The following PBX4 variants were observed in gnomAD, a reference collection of about 807,000 sequenced individuals.
PBX4 encodes pre-B-cell leukemia transcription factor 4.
PBX4 carries 26 observed loss-of-function variants against 35.1 expected under a neutral mutation model. The observed-to-expected ratio is 0.74, with a 90% CI of 0.54 to 1.03. The LOEUF (loss-of-function observed/expected upper bound fraction) is 1.03. Ranked by LOEUF, PBX4 falls within the 50% of genes least tolerant of loss-of-function variation. The probability of loss-of-function intolerance (pLI) is 0.00; values close to 1 mark genes in which losing one functional copy is unlikely to be tolerated. For synonymous variants in PBX4, 199 were observed against 204.2 expected (o/e 0.97, Z 0.22); for missense variants, 448 against 504.3 (o/e 0.89, Z 1.07).
intron 2 of PBX4, among the ~76,000 whole-genome samples, chr19:19,583,581 A>G (rs1254899501): frequency 1.3e-5 from 2 of 152,116 alleles, no homozygotes; most frequent in Non-Finnish European, 2.9e-5. Flanking sequence ...ACTGCACTCC[A>G]GCCAGTTCGA....
intron 1 of PBX4, among the ~76,000 whole-genome samples, chr19:19,614,849 T>C (rs982208278): frequency 6.6e-6 from 1 of 151,696 alleles, no homozygotes; most frequent in African/African-American, 2.4e-5. Context: ...CTGGCCAACA[T>C]AGGGAGACCT....
intron 2 of PBX4, chr19:19,588,313 G>A: frequency 9.1e-7 from 1 of 1,098,066 alleles, no homozygotes; most frequent in South Asian, 1.2e-5. Context: ...ACGCACATAG[G>A]AGTCACAGAT....
chr19:19,590,058 T>C (rs893275597), intron 2 of PBX4, among the ~76,000 whole-genome samples: 1 of 152,174 alleles, frequency 6.6e-6, no homozygotes, highest in African/African-American at 2.4e-5. Context: ...CCCTCAATCC[T>C]TGAGGTAAGC....
At chr19:19,601,958 G>T (rs2061600492) in intron 1 of PBX4, among the ~76,000 whole-genome samples, 1 of 152,140 alleles carries the variant, frequency 6.6e-6, no homozygotes, top group Non-Finnish European at 1.5e-5. Context: ...GGGCAACATG[G>T]CGAGACAATG....
chr19:19,592,859 A>G (rs2061537299), intron 2 of PBX4, among the ~76,000 whole-genome samples: 1 of 152,122 alleles, frequency 6.6e-6, no homozygotes, highest in South Asian at 2.1e-4. Context: ...GCCATGAGGG[A>G]CAGGCCCTGG....
intron 5 of PBX4, among the ~76,000 whole-genome samples, chr19:19,566,920 G>A (rs1211948654): frequency 6.6e-6 from 1 of 152,126 alleles, no homozygotes; most frequent in African/African-American, 2.4e-5. Flanking sequence ...ATGTTGGCCA[G>A]GCTGGTCTCG....
chr19:19,589,025 G>C (rs1230250217), intron 2 of PBX4, among the ~76,000 whole-genome samples: 8 of 152,018 alleles, frequency 5.3e-5, no homozygotes, highest in Admixed American at 5.3e-4. Context: ...CTACTCCAGA[G>C]GCTGAGGCAG....
At chr19:19,590,774 TTTTG>T (rs1363113465) in intron 2 of PBX4, among the ~76,000 whole-genome samples, 7 of 152,130 alleles carry the variant, frequency 4.6e-5, no homozygotes, top group African/African-American at 1.7e-4. Flanking sequence ...TGGACACACA[TTTTG>T]TTTTTCTAGT....
At chr19:19,617,208 G>A (rs143737314) in intron 1 of PBX4, among the ~76,000 whole-genome samples, 139 of 152,086 alleles carry the variant, frequency 9.1e-4, no homozygotes, top group African/African-American at 3.3e-3. Flanking sequence ...GTACAGGATG[G>A]TCTCACTATG....
At chr19:19,591,897 G>C (rs930250552) in intron 2 of PBX4, among the ~76,000 whole-genome samples, 2 of 152,154 alleles carry the variant, frequency 1.3e-5, no homozygotes, top group Admixed American at 6.5e-5. Flanking sequence ...GTCTCACTTT[G>C]TCGCCCAAGC....
chr19:19,604,748 G>A (rs1271557825), intron 1 of PBX4, among the ~76,000 whole-genome samples: 2 of 151,684 alleles, frequency 1.3e-5, no homozygotes, highest in Non-Finnish European at 2.9e-5. Flanking sequence ...CTATAGGCGC[G>A]TGCCACCACA....
chr19:19,616,624 C>T (rs1303393252), intron 1 of PBX4, among the ~76,000 whole-genome samples: 2 of 151,850 alleles, frequency 1.3e-5, no homozygotes, highest in Non-Finnish European at 2.9e-5. Context: ...GCTGAACAAA[C>T]AAAACTCTTT....
chr19:19,618,624 G>C lies in PBX4; in HGVS notation c.6C>G (p.Ala2=). 8.1e-7 allele frequency: 1 copy of C among 1,239,788 alleles called. No homozygotes were observed. The highest frequency in any genetic ancestry group is 1.0e-6 in the Non-Finnish European group (1 of 989,946). The allele number at this position is 1,239,788 out of a possible 1,614,324, so 76.8% of individuals were successfully genotyped here. A position where few individuals can be genotyped will look rare whatever the true frequency, so the allele number is the denominator to read the frequency against. The change falls in exon 1 of 8, where the codon GCC becomes GCG. Residue 2 remains alanine, a synonymous_variant. Transcript: ENST00000251203. The stretch of plus-strand genomic sequence containing the variant: ...GCGATGGCGCGGGGCGCGGCGGGGC[G>C]GCCATGAGCGGCAGGGCCGGGCGGG... M[A]APPRPAPSPP...
intron 2 of PBX4, among the ~76,000 whole-genome samples, chr19:19,580,948 G>T (rs1051181972): frequency 8.5e-5 from 13 of 152,186 alleles, no homozygotes; most frequent in African/African-American, 3.1e-4. Context: ...GCCCAGGCTG[G>T]TCTTGAACCC....
chr19:19,613,574 G>A (rs1178702350), intron 1 of PBX4, among the ~76,000 whole-genome samples: 1 of 152,110 alleles, frequency 6.6e-6, no homozygotes, highest in Non-Finnish European at 1.5e-5. Flanking sequence ...GGGCTGTGCT[G>A]GGCCTGAGGA....
At chr19:19,590,227 G>A (rs1395519532) in intron 2 of PBX4, among the ~76,000 whole-genome samples, 2 of 151,714 alleles carry the variant, frequency 1.3e-5, no homozygotes, top group Non-Finnish European at 2.9e-5. Context: ...CACTCTTTAC[G>A]CCCCCTCCCT....
chr19:19,585,226 G>A (rs1307625087), intron 2 of PBX4, among the ~76,000 whole-genome samples: 2 of 151,998 alleles, frequency 1.3e-5, no homozygotes, highest in East Asian at 1.9e-4. Flanking sequence ...TTGGGGGGCT[G>A]AGGCAGGAGA....
At chr19:19,591,624 C>T (rs536304523) in intron 2 of PBX4, among the ~76,000 whole-genome samples, 22 of 152,282 alleles carry the variant, frequency 1.4e-4, no homozygotes, top group South Asian at 8.3e-4. Context: ...ATGGGATGGC[C>T]GAGTGGGTCT....
At chr19:19,569,326 C>G (rs1176233397) in intron 5 of PBX4, 123 bp downstream of exon 5, 1 of 1,312,464 alleles carries the variant, frequency 7.6e-7, no homozygotes, top group Non-Finnish European at 1.0e-6. Flanking sequence ...TCCCAAAGTG[C>G]TGGGATTCCA....
Sources: gnomAD v4.1 joint callset for allele counts (sites outside exome capture counted in the v4.1 genomes callset) on GRCh38, gnomAD v4.1.1 for gene constraint, MANE v1.5 for transcripts, NCBI Gene and HGNC (gene_info 2026-07-23, HGNC 2026-07-21) for gene names.